B3GNT5: variants seen among roughly 807,000 people sequenced by gnomAD.
The protein encoded by B3GNT5 is UDP-GlcNAc:betaGal beta-1,3-N-acetylglucosaminyltransferase 5.
B3GNT5 carries 11 observed loss-of-function variants against 25.9 expected under a neutral mutation model. The ratio of observed to expected loss-of-function variants is 0.42; its 90% confidence interval spans 0.27 to 0.70. The LOEUF (loss-of-function observed/expected upper bound fraction) is 0.70, where lower values mean the gene tolerates loss of function less well. Ranked by LOEUF, B3GNT5 falls within the 30% of genes least tolerant of loss-of-function variation. B3GNT5 has a pLI of 0.23. For synonymous variants in B3GNT5, 166 were observed against 158.6 expected (o/e 1.05, Z -0.35); for missense variants, 385 against 458.4 (o/e 0.84, Z 1.46).
Position 183,272,338 on chromosome 3 carries a change from A to G in B3GNT5, c.*1403A>G. The G allele has an allele frequency of 1.0e-6, 1 of 1,000,294 alleles. No homozygotes were observed. The highest frequency in any genetic ancestry group is 1.2e-6 in the Non-Finnish European group (1 of 829,982). The allele number at this position is 1,000,294 out of a possible 1,614,324, so 62.0% of individuals were successfully genotyped here. A position where few individuals can be genotyped will look rare whatever the true frequency, so the allele number is the denominator to read the frequency against. On this transcript the variant is annotated 3_prime_UTR_variant, in exon 2 of 2. Transcript: ENST00000326505. ...CAAAATAATGACTTCAGCAAGAGTG[A>G]CTGAACTCACTCTAAGGCCTTTGAC...
At position 183,270,699 on chromosome 3, in the gene B3GNT5, G is replaced by A. The variant is rs1483994427; in HGVS notation, c.901G>A (p.Val301Met). Residue 301 changes from valine to methionine, a missense_variant, in exon 2 of 2, where the codon GTG (valine) becomes ATG (methionine). Coordinates refer to ENST00000326505, the MANE Select transcript of B3GNT5 (RefSeq NM_032047.5). This position sits in a 1 kb window ranked among gnomAD's most constrained non-coding sequence, Gnocchi z 4.5. ...AATAGGGATAGTACCGCAGGACCAT[G>A]TGTTTTTTTCTGGAGAGGGTAAAAC... ...NKIGIVPQDH[V>M]FFSGEGKTPY... The A allele has an allele frequency of 3.7e-6, 6 of 1,613,902 alleles. No individual in the cohort carries two copies. Among genetic ancestry groups the A allele is most frequent in the Non-Finnish European group, 5.1e-6 (6 of 1,179,938 alleles).
chr3:183,261,697 T>C (rs1345668481), intron 1 of B3GNT5, among the ~76,000 whole-genome samples: 2 of 152,054 alleles, frequency 1.3e-5, no homozygotes, highest in Non-Finnish European at 1.5e-5. Context: ...GTATTTTATT[T>C]CCCCCGCAAG....
chr3:183,266,299 A>C (rs1726117810), intron 1 of B3GNT5, among the ~76,000 whole-genome samples: 1 of 152,268 alleles, frequency 6.6e-6, no homozygotes. Flanking sequence ...TGCCGGGCAC[A>C]GCTGCTCAGG....
In B3GNT5 at chr3:183,272,961, AAG is replaced by A. The variant is rs1726909850; in HGVS notation, c.*2027_*2028del. On this transcript the variant is annotated 3_prime_UTR_variant, in exon 2 of 2. Coordinates refer to ENST00000326505, the MANE Select transcript of B3GNT5 (RefSeq NM_032047.5). ...ATTTTTGCTTAGAATAGAATGGAACAAGTTTAAATTTCAAGGAAATATGAAGG... is the reference window on the plus strand; with the variant it reads ...ATTTTTGCTTAGAATAGAATGGAACATTTAAATTTCAAGGAAATATGAAGG... 25 of 1,447,968 alleles carry A rather than the reference AAG, an allele frequency of 1.7e-5. No individual in the cohort carries two copies. The highest frequency in any genetic ancestry group is 2.3e-5 in the Non-Finnish European group (25 of 1,103,768). 89.7% of individuals were successfully genotyped at this position (1,447,968 alleles called of 1,614,324 possible). A position where few individuals can be genotyped will look rare whatever the true frequency, so the allele number is the denominator to read the frequency against.
chr3:183,263,057 C>T (rs1420406601), intron 1 of B3GNT5, among the ~76,000 whole-genome samples: 2 of 151,878 alleles, frequency 1.3e-5, no homozygotes, highest in African/African-American at 2.4e-5. Context: ...AGAAGGTTCT[C>T]GATGAATATT....
At chr3:183,254,230 T>A (rs1485795262) in intron 1 of B3GNT5, 4 of 151,890 alleles carry the variant, frequency 2.6e-5, no homozygotes, top group African/African-American at 9.7e-5. Context: ...CGCCAGGACT[T>A]CAGGTGGGAA....
intron 1 of B3GNT5, among the ~76,000 whole-genome samples, chr3:183,263,754 C>G (rs1402492113): frequency 2.6e-5 from 4 of 152,180 alleles, no homozygotes; most frequent in African/African-American, 9.7e-5. Context: ...AAATCAAATA[C>G]TCCTTCACTC....
At chr3:183,257,634 C>T (rs1460836207) in intron 1 of B3GNT5, among the ~76,000 whole-genome samples, 1 of 151,984 alleles carries the variant, frequency 6.6e-6, no homozygotes, top group Non-Finnish European at 1.5e-5. Flanking sequence ...CTTTTTGTAC[C>T]TCTGTGTTAT....
At chr3:183,257,666 T>G (rs1353092834) in intron 1 of B3GNT5, among the ~76,000 whole-genome samples, 1 of 152,198 alleles carries the variant, frequency 6.6e-6, no homozygotes, top group Non-Finnish European at 1.5e-5. Flanking sequence ...CAAGTGTTGC[T>G]TCTAAAGACA....
Position 183,272,178 on chromosome 3 carries a change from T to C in B3GNT5, c.*1243T>C. 1.0e-6 allele frequency: 1 copy of C among 1,000,284 alleles called. No homozygotes were observed. The highest frequency in any genetic ancestry group is 1.2e-6 in the Non-Finnish European group (1 of 829,986). The allele number at this position is 1,000,284 out of a possible 1,614,324, so 62.0% of individuals were successfully genotyped here. A position where few individuals can be genotyped will look rare whatever the true frequency, so the allele number is the denominator to read the frequency against. ...TGCATGTTCCTTGTAATCAAAGAGATGTGTCTGAGATCTAATAGAGTAAGT... is the reference window on the plus strand; with the variant it reads ...TGCATGTTCCTTGTAATCAAAGAGACGTGTCTGAGATCTAATAGAGTAAGT... On this transcript the variant is annotated 3_prime_UTR_variant, in exon 2 of 2. Coordinates refer to ENST00000326505, the MANE Select transcript of B3GNT5 (RefSeq NM_032047.5).
At position 183,272,838 on chromosome 3, in the gene B3GNT5, A is replaced by C; in HGVS notation, c.*1903A>C. ...TAAGGTTGCCATTGGTTGAAAACATAAGTGTCTCTGGCCATCAAAGTGATC... is the reference window on the plus strand; with the variant it reads ...TAAGGTTGCCATTGGTTGAAAACATCAGTGTCTCTGGCCATCAAAGTGATC... On this transcript the variant is annotated 3_prime_UTR_variant, in exon 2 of 2. Coordinates refer to ENST00000326505, the MANE Select transcript of B3GNT5 (RefSeq NM_032047.5). 8.1e-7 allele frequency: 1 copy of C among 1,240,012 alleles called. No individual in the cohort carries two copies. The highest frequency in any genetic ancestry group is 1.0e-6 in the Non-Finnish European group (1 of 979,892). 76.8% of individuals were successfully genotyped at this position (1,240,012 alleles called of 1,614,324 possible).
At position 183,270,753 on chromosome 3, in the gene B3GNT5, A is replaced by C; in HGVS notation, c.955A>C (p.Met319Leu). The C allele has an allele frequency of 6.2e-7, 1 of 1,613,772 alleles. No individual in the cohort carries two copies. The highest frequency in any genetic ancestry group is 8.5e-7 in the Non-Finnish European group (1 of 1,179,904). The change falls in exon 2 of 2, where the codon ATG (methionine) becomes CTG (leucine). Residue 319 changes from methionine (M) to leucine (L), a missense_variant. Coordinates refer to ENST00000326505, the MANE Select transcript of B3GNT5 (RefSeq NM_032047.5). This position sits in a 1 kb window ranked among gnomAD's most constrained non-coding sequence, Gnocchi z 4.5. ...TPYHPCIYEK[M>L]MTSHGHLEDL... is the part of the protein sequence containing the mutation. ...TTATCATCCCTGCATCTATGAAAAAATGATGACATCTCATGGACACTTAGA... is the reference window on the plus strand; with the variant it reads ...TTATCATCCCTGCATCTATGAAAAACTGATGACATCTCATGGACACTTAGA...
chr3:183,270,898 A>T lies in B3GNT5; in HGVS notation c.1100A>T (p.Tyr367Phe). 1 of 1,605,216 alleles carries T rather than the reference A, an allele frequency of 6.2e-7. No individual in the cohort carries two copies. Reference sequence around the variant, plus strand: ...ATAATTCTCCTTTGTAAAATTAGCTATGTGGACACATACCCTTGTAGGGCT... The same window carrying T: ...ATAATTCTCCTTTGTAAAATTAGCTTTGTGGACACATACCCTTGTAGGGCT... The part of the protein sequence containing the change: ...MKIILLCKIS[Y>F]VDTYPCRAAF... The change falls in exon 2 of 2, where the codon TAT (tyrosine) becomes TTT (phenylalanine). Residue 367 changes from tyrosine to phenylalanine, a missense_variant. By Grantham distance (22) the Tyr-to-Phe change is conservative. Transcript: ENST00000326505. The surrounding 1 kb of genome is among the most constrained non-coding windows in gnomAD (Gnocchi z 4.5).
At chr3:183,257,958 CTTT>C (rs35323502) in intron 1 of B3GNT5, among the ~76,000 whole-genome samples, 6 of 64,742 alleles carry the variant, frequency 9.3e-5, no homozygotes, top group South Asian at 1.6e-3. Context: ...CCACTTCACC[CTTT>C]TTTTTTTTTT....
Position 183,273,012 on chromosome 3 carries a change from A to G in B3GNT5, c.*2077A>G, listed in dbSNP as rs746456733. On this transcript the variant is annotated 3_prime_UTR_variant, in exon 2 of 2. Transcript: ENST00000326505. The stretch of plus-strand genomic sequence containing the variant: ...GGCACTTCCTTTTTTTCTAAGAAGG[A>G]AGTTGCTAGATGATTCCTTCATCAC... 1.7e-4 allele frequency: 259 copies of G among 1,485,450 alleles called. 1 individual carries two copies. Among genetic ancestry groups the G allele is most frequent in the South Asian group, 1.3e-3 (96 of 72,306 alleles). The allele number at this position is 1,485,450 out of a possible 1,614,324, so 92.0% of individuals were successfully genotyped here. A position where few individuals can be genotyped will look rare whatever the true frequency, so the allele number is the denominator to read the frequency against.
intron 1 of B3GNT5, among the ~76,000 whole-genome samples, chr3:183,259,434 C>A (rs1725382686): frequency 1.3e-5 from 2 of 152,314 alleles, no homozygotes; most frequent in South Asian, 4.1e-4. Flanking sequence ...TTTTATTCAT[C>A]TACCTTATGA....
chr3:183,259,601 G>A (rs1025854153), intron 1 of B3GNT5, among the ~76,000 whole-genome samples: 4 of 152,174 alleles, frequency 2.6e-5, no homozygotes, highest in East Asian at 1.9e-4. Context: ...CCAGGCCAGG[G>A]TGTCTGTGTC....
intron 1 of B3GNT5, chr3:183,266,259 G>GGA: frequency 6.6e-6 from 1 of 152,238 alleles, no homozygotes; most frequent in African/African-American, 2.4e-5. Flanking sequence ...AACAACTGTA[G>GGA]GACGTGCAAA....
intron 1 of B3GNT5, among the ~76,000 whole-genome samples, chr3:183,268,325 G>A (rs1273623557): frequency 6.6e-6 from 1 of 152,232 alleles, no homozygotes; most frequent in African/African-American, 2.4e-5. Context: ...AGTTAAAAGA[G>A]CTCAGTTTGT....
Sources: gnomAD v4.1 joint callset for allele counts (sites outside exome capture counted in the v4.1 genomes callset) on GRCh38, gnomAD v4.1.1 for gene constraint, Gnocchi (gnomAD v3.1) non-coding constraint, MANE v1.5 for transcripts, NCBI Gene and HGNC (gene_info 2026-07-23, HGNC 2026-07-21) for gene names.